Variants in FLNB observed in about 807,000 individuals in gnomAD.
FLNB encodes filamin B.
In FLNB, 111 loss-of-function variants were observed where a neutral mutation model predicts 250.6. The observed-to-expected ratio is 0.44, with a 90% CI of 0.38 to 0.52. The LOEUF (loss-of-function observed/expected upper bound fraction) is 0.52, where lower values mean the gene tolerates loss of function less well. FLNB is among the 20% of genes least tolerant of loss of function. The probability of loss-of-function intolerance (pLI) is 0.00; values close to 1 mark genes in which losing one functional copy is unlikely to be tolerated. For synonymous variants in FLNB, 1,302 were observed against 1,372.1 expected (o/e 0.95, Z 1.13); for missense variants, 2,869 against 3,447.8 (o/e 0.83, Z 4.20).
rs763307721 is a variant in FLNB, at chr3:58,110,168, C to G, written c.2482C>G (p.Gln828Glu). The change falls in exon 16 of 46, where the codon CAG becomes GAG. Residue 828 changes from glutamine (Q) to glutamate (E), a missense_variant and splice_region_variant. Gln to Glu is a conservative substitution (Grantham distance 29). Transcript: ENST00000295956. ...RYTIKVLFAS[Q>E]EIPASPFRVK... ...CACTATCAAAGTTCTCTTTGCATCTCAGGTACGTGGTGGGGCCTGGGAGGA... is the reference window on the plus strand; with the variant it reads ...CACTATCAAAGTTCTCTTTGCATCTGAGGTACGTGGTGGGGCCTGGGAGGA... The G allele has an allele frequency of 1.5e-5, 24 of 1,614,108 alleles. No homozygotes were observed. In the East Asian group the frequency reaches 5.3e-4, roughly 36 times the overall value.
chr3:58,088,539 C>T (rs1443089342), intron 4 of FLNB, among the ~76,000 whole-genome samples: 3 of 152,132 alleles, frequency 2.0e-5, no homozygotes, highest in Non-Finnish European at 4.4e-5. Flanking sequence ...TCTTGGGACT[C>T]GAGGAATGAC....
intron 1 of FLNB, among the ~76,000 whole-genome samples, chr3:58,009,378 C>T (rs1440222282): frequency 6.6e-6 from 1 of 152,152 alleles, no homozygotes; most frequent in East Asian, 1.9e-4. Flanking sequence ...AGACAGAGAC[C>T]TGGTACCTTC....
In FLNB at chr3:58,170,591, G is replaced by A; in HGVS notation, c.7638G>A (p.Leu2546=). The A allele has an allele frequency of 6.2e-7, 1 of 1,614,108 alleles. No individual in the cohort carries two copies. The highest frequency in any genetic ancestry group is 8.5e-7 in the Non-Finnish European group (1 of 1,180,020). ...GCCTCCTAGGCTCCAACATGCTGCT[G>A]ATCGGGGTCCATGGGCCCACCACCC... The part of the protein sequence containing the change: ...DCSKAGSNML[L]IGVHGPTTPC... The change falls in exon 46 of 46, where the codon CTG becomes CTA. Residue 2546 remains leucine (L), a synonymous_variant. Coordinates refer to ENST00000295956, the MANE Select transcript of FLNB (RefSeq NM_001457.4).
At position 58,081,855 on chromosome 3, in the gene FLNB, G is replaced by A. The variant is rs1313431462; in HGVS notation, c.787+79G>A. ...ATGATTTCATGGCTTCAAGAGTGAT[G>A]TTCTTAGAATCAAAAATAGATAGGT... On this transcript the variant is annotated intron_variant, in intron 4 of 45. Coordinates refer to ENST00000295956, the MANE Select transcript of FLNB (RefSeq NM_001457.4). The A allele has an allele frequency of 1.1e-5, 17 of 1,506,850 alleles. No individual in the cohort carries two copies. The Admixed American group carries it at 2.8e-4, about 25-fold the overall frequency. 93.3% of individuals were successfully genotyped at this position (1,506,850 alleles called of 1,614,324 possible). A position where few individuals can be genotyped will look rare whatever the true frequency, so the allele number is the denominator to read the frequency against.
At chr3:58,119,226 G>T (rs1247569386) in intron 19 of FLNB, among the ~76,000 whole-genome samples, 1 of 151,924 alleles carries the variant, frequency 6.6e-6, no homozygotes. Flanking sequence ...GTGGTCGGCG[G>T]GGAGAGGTTG....
rs767324050 is a variant in FLNB at position 58,123,632 on chromosome 3, G to A, written c.3666G>A (p.Val1222=). ...LVPHFPARVK[V]EPAVDTSRIK... is the part of the protein sequence containing the mutation. ...CACACTTCCCCGCCCGGGTCAAGGTGGAGCCCGCCGTGGACACCAGCAGGA... is the reference window on the plus strand; with the variant it reads ...CACACTTCCCCGCCCGGGTCAAGGTAGAGCCCGCCGTGGACACCAGCAGGA... The change falls in exon 21 of 46, where the codon GTG becomes GTA. Residue 1222 remains valine, a synonymous_variant. Transcript: ENST00000295956. 1.2e-6 allele frequency: 2 copies of A among 1,612,558 alleles called. No homozygotes were observed. The highest frequency in any genetic ancestry group is 1.7e-6 in the Non-Finnish European group (2 of 1,179,958).
chr3:58,138,839 AT>A (rs1281987135), intron 29 of FLNB, among the ~76,000 whole-genome samples: 1 of 152,046 alleles, frequency 6.6e-6, no homozygotes, highest in Non-Finnish European at 1.5e-5. Flanking sequence ...CTTTATGAAA[AT>A]GTTTCTACAT....
At chr3:58,134,414 G>C (rs2097312800) in intron 26 of FLNB, among the ~76,000 whole-genome samples, 2 of 152,138 alleles carry the variant, frequency 1.3e-5, no homozygotes, top group Admixed American at 1.3e-4. Context: ...AACACACTCA[G>C]GACAAAACCA....
chr3:58,027,222 G>T (rs556678908), intron 1 of FLNB, among the ~76,000 whole-genome samples: 3 of 151,528 alleles, frequency 2.0e-5, no homozygotes, highest in Non-Finnish European at 4.4e-5. Context: ...GCGCGATCTC[G>T]GCTCACCACA....
chr3:58,074,555 G>A (rs2097199016), intron 1 of FLNB, among the ~76,000 whole-genome samples: 1 of 152,164 alleles, frequency 6.6e-6, no homozygotes. Context: ...GGCAAAGGAT[G>A]GGAATTTGAG....
chr3:58,015,721 G>A (rs899824140), intron 1 of FLNB, among the ~76,000 whole-genome samples: 3 of 152,074 alleles, frequency 2.0e-5, no homozygotes, highest in African/African-American at 4.8e-5. Context: ...GGGATTCTGC[G>A]TTTCCAGTCA....
chr3:58,094,898 G>A lies in FLNB; in HGVS notation c.850G>A (p.Ala284Thr), dbSNP rs147844614. 9 of 1,614,166 alleles carry A rather than the reference G, an allele frequency of 5.6e-6. No homozygotes were observed. Among genetic ancestry groups the A allele is most frequent in the South Asian group, 1.1e-5 (1 of 91,072 alleles). The change falls in exon 5 of 46, where the codon GCC (alanine) becomes ACC (threonine). Residue 284 changes from alanine to threonine, a missense_variant. Transcript: ENST00000295956. Reference protein sequence around the residue: ...PAKFTVDTISAGQGDVMVFVE... With the variant: ...PAKFTVDTISTGQGDVMVFVE... Reference sequence around the variant, plus strand: ...CAAGTTCACTGTGGACACCATCAGCGCCGGGCAAGGAGACGTGATGGTGTT... The same window carrying A: ...CAAGTTCACTGTGGACACCATCAGCACCGGGCAAGGAGACGTGATGGTGTT...
At chr3:58,140,135 T>G (rs1402058366) in intron 29 of FLNB, among the ~76,000 whole-genome samples, 4 of 152,174 alleles carry the variant, frequency 2.6e-5, no homozygotes, top group African/African-American at 9.7e-5. Flanking sequence ...GACTGTTCAT[T>G]GGCTTTGGTT....
At chr3:58,131,537 C>G (rs982406438) in intron 25 of FLNB, among the ~76,000 whole-genome samples, 4 of 152,212 alleles carry the variant, frequency 2.6e-5, no homozygotes, top group Admixed American at 2.6e-4. Flanking sequence ...TCCTCCAGCA[C>G]TTAAAATGTG....
At chr3:58,051,786 G>A (rs544237865) in intron 1 of FLNB, among the ~76,000 whole-genome samples, 16 of 152,234 alleles carry the variant, frequency 1.1e-4, no homozygotes, top group Admixed American at 9.2e-4. Flanking sequence ...GAAGAGCCAT[G>A]CTTGAGATAG....
intron 1 of FLNB, among the ~76,000 whole-genome samples, chr3:58,059,369 G>C (rs1249423685): frequency 6.6e-6 from 1 of 152,226 alleles, no homozygotes; most frequent in Non-Finnish European, 1.5e-5. Context: ...CAGGTGGTAA[G>C]AGGAGAGAGC....
chr3:58,162,138 G>A (rs926400601), intron 42 of FLNB, among the ~76,000 whole-genome samples: 1 of 152,214 alleles, frequency 6.6e-6, no homozygotes. Flanking sequence ...GCCAAAGGAC[G>A]TAGGGTGCAC....
At chr3:58,014,209 G>T (rs114831544) in intron 1 of FLNB, among the ~76,000 whole-genome samples, 1 of 152,190 alleles carries the variant, frequency 6.6e-6, no homozygotes, top group Non-Finnish European at 1.5e-5. Flanking sequence ...AAATCAGCGC[G>T]CTCTGGGGAG....
intron 4 of FLNB, among the ~76,000 whole-genome samples, chr3:58,082,798 A>G (rs1268659224): frequency 6.6e-6 from 1 of 151,680 alleles, no homozygotes; most frequent in East Asian, 1.9e-4. Flanking sequence ...GAGAAAGAAA[A>G]TGTTATCCCA....
Sources: gnomAD v4.1 joint callset for allele counts (sites outside exome capture counted in the v4.1 genomes callset) on GRCh38, gnomAD v4.1.1 for gene constraint, MANE v1.5 for transcripts, NCBI Gene and HGNC (gene_info 2026-07-23, HGNC 2026-07-21) for gene names.